HYAL4: variants seen among roughly 807,000 people sequenced by gnomAD.
The protein encoded by HYAL4 is hyaluronidase 4, also known as hyaluronidase-4.
Under a neutral mutation model 35.2 loss-of-function variants are expected in HYAL4, and 37 were observed. That is an observed-to-expected ratio of 1.05 (90% CI 0.81 to 1.38). The LOEUF (loss-of-function observed/expected upper bound fraction) is 1.38, where lower values mean the gene tolerates loss of function less well. Ranked by LOEUF, HYAL4 falls within the 40% of genes most tolerant of loss-of-function variation. HYAL4 has a pLI of 0.00. For synonymous variants in HYAL4, 198 were observed against 203.2 expected (o/e 0.97, Z 0.22); for missense variants, 572 against 572.4 (o/e 1.00, Z 0.01).
chr7:123,798,146 A>G, the HYAL4 span, among the ~76,000 whole-genome samples: 1 of 152,204 alleles, frequency 6.6e-6, no homozygotes, highest in South Asian at 2.1e-4. Context: ...CTGTAATGCA[A>G]TAGGAATTTT....
chr7:123,792,875 C>T, the HYAL4 span, among the ~76,000 whole-genome samples: 1 of 152,162 alleles, frequency 6.6e-6, no homozygotes, highest in African/African-American at 2.4e-5. Flanking sequence ...TCCCTCCTAC[C>T]ATGGTCCACT....
At chr7:123,857,381 G>T (rs1436515024) in intron 2 of HYAL4, among the ~76,000 whole-genome samples, 1 of 152,136 alleles carries the variant, frequency 6.6e-6, no homozygotes, top group Non-Finnish European at 1.5e-5. Flanking sequence ...AGCTGGGCTG[G>T]ATAGCACTGT....
the HYAL4 span, among the ~76,000 whole-genome samples, chr7:123,777,342 T>C: frequency 1.3e-5 from 2 of 152,092 alleles, no homozygotes; most frequent in African/African-American, 4.8e-5. Flanking sequence ...CATATTGAAA[T>C]AATAATGTCT....
At chr7:123,841,428 G>C (rs956366409), upstream of HYAL4, among the ~76,000 whole-genome samples, 3 of 151,942 alleles carry the variant, frequency 2.0e-5, no homozygotes, top group Non-Finnish European at 4.4e-5. Context: ...ATTTTCATCA[G>C]GGATATTGGT....
chr7:123,819,908 T>G, the HYAL4 span, among the ~76,000 whole-genome samples: 12 of 151,512 alleles, frequency 7.9e-5, no homozygotes, highest in South Asian at 1.5e-3. Context: ...TTTTTTTTTT[T>G]TGTGAGGCAG....
chr7:123,791,917 G>A, the HYAL4 span, among the ~76,000 whole-genome samples: 5 of 152,202 alleles, frequency 3.3e-5, no homozygotes, highest in Non-Finnish European at 7.3e-5. Context: ...GTCCAAGCAC[G>A]TGAAGAAATT....
chr7:123,831,500 A>C (rs1459291752), intron 1 of HYAL4, among the ~76,000 whole-genome samples: 1 of 152,198 alleles, frequency 6.6e-6, no homozygotes, highest in African/African-American at 2.4e-5. Context: ...GGTTTGGTTC[A>C]ACAACTTCTT....
upstream of HYAL4, among the ~76,000 whole-genome samples, chr7:123,827,879 T>C (rs1052170734): frequency 2.0e-5 from 3 of 152,198 alleles, no homozygotes; most frequent in Non-Finnish European, 4.4e-5. Context: ...AATTAAATGC[T>C]AATAGAAAAC....
upstream of HYAL4, among the ~76,000 whole-genome samples, chr7:123,826,966 G>T (rs762633850): frequency 3.3e-5 from 5 of 152,138 alleles, no homozygotes; most frequent in Admixed American, 2.6e-4. Flanking sequence ...AGATGGGGAA[G>T]TCTGGGAAGA....
Position 123,876,998 on chromosome 7 carries a change from CA to C in HYAL4, c.1290del (p.Asp431IlefsTer19). The stretch of plus-strand genomic sequence containing the variant: ...TCTGATACAGACCTGGCAGTGATGG[CA>C]GATACATTTTCCTGTCATTGTTATC... ...KASDTDLAVM[A>X]DTFSCHCYQG... On this transcript the variant is annotated frameshift_variant, in exon 5 of 5. Transcript: ENST00000223026. LOFTEE classifies it low-confidence loss of function (END_TRUNC). 1 of 1,614,180 alleles carries C rather than the reference CA, an allele frequency of 6.2e-7. No individual in the cohort carries two copies. Among genetic ancestry groups the C allele is most frequent in the Non-Finnish European group, 8.5e-7 (1 of 1,180,016 alleles).
At chr7:123,770,531 T>TGAGTCAGGG in the HYAL4 span, among the ~76,000 whole-genome samples, 1 of 150,760 alleles carries the variant, frequency 6.6e-6, no homozygotes, top group East Asian at 2.0e-4. Context: ...GGTAACAAGA[T>TGAGTCAGGG]GAGTCAGGGT....
chr7:123,868,238 C>G lies in HYAL4; in HGVS notation c.-36C>G. The G allele has an allele frequency of 7.7e-7, 1 of 1,290,696 alleles. No individual in the cohort carries two copies. Among genetic ancestry groups the G allele is most frequent in the Non-Finnish European group, 1.1e-6 (1 of 944,682 alleles). The allele number at this position is 1,290,696 out of a possible 1,614,324, so 80.0% of individuals were successfully genotyped here. A position where few individuals can be genotyped will look rare whatever the true frequency, so the allele number is the denominator to read the frequency against. On this transcript the variant is annotated 5_prime_UTR_variant, in exon 3 of 5. Transcript: ENST00000223026. ...CTCTCCACAGGTCTTCTAGAGTGCA[C>G]TAAAGCAGAAGATAACGTAACATTT...
At chr7:123,874,946 T>G in intron 4 of HYAL4, 96 bp downstream of exon 4, 1 of 714,312 alleles carries the variant, frequency 1.4e-6, no homozygotes, top group Non-Finnish European at 2.5e-6. Context: ...CAAACCAGCT[T>G]TAGAATAAAT....
At chr7:123,854,527 G>A (rs1806385875) in intron 2 of HYAL4, among the ~76,000 whole-genome samples, 1 of 152,142 alleles carries the variant, frequency 6.6e-6, no homozygotes, top group Non-Finnish European at 1.5e-5. Flanking sequence ...GTAGTTGTGT[G>A]GTTTTGAATG....
chr7:123,868,513 C>G lies in HYAL4; in HGVS notation c.240C>G (p.Ala80=). 1 of 1,608,224 alleles carries G rather than the reference C, an allele frequency of 6.2e-7. No individual in the cohort carries two copies. Among genetic ancestry groups the G allele is most frequent in the South Asian group, 1.1e-5 (1 of 89,170 alleles). Reference sequence around the variant, plus strand: ...TTCCTGTGATTGGAAGCCCACTGGCCAAGGCCAGGGGGCAAAATGTCACTA... The same window carrying G: ...TTCCTGTGATTGGAAGCCCACTGGCGAAGGCCAGGGGGCAAAATGTCACTA... The part of the protein sequence containing the change: ...KMFPVIGSPL[A]KARGQNVTIF... Residue 80 remains alanine, a synonymous_variant, in exon 3 of 5, where the codon GCC becomes GCG. Transcript: ENST00000223026.
At chr7:123,850,389 G>A (rs1045912102) in intron 2 of HYAL4, among the ~76,000 whole-genome samples, 1 of 152,010 alleles carries the variant, frequency 6.6e-6, no homozygotes. Context: ...CCACAGGAAC[G>A]CACCACCAGC....
rs1806318030 is a variant in HYAL4, at chr7:123,852,098, C to T, written c.-52+3940C>T. Among the ~76,000 whole-genome samples the T allele has an allele frequency of 2.0e-5, 3 of 151,932 alleles. No individual in the cohort carries two copies. In the South Asian group the frequency reaches 6.2e-4, roughly 32 times the overall value. On this transcript the variant is annotated intron_variant, in intron 2 of 4. Coordinates refer to ENST00000223026, the MANE Select transcript of HYAL4 (RefSeq NM_012269.3). Reference sequence around the variant, plus strand: ...TTTTGATGGGGTTGTTTGTTTTTATCTTATAAATTTGTTAAGTTCCTTGTA... The same window carrying T: ...TTTTGATGGGGTTGTTTGTTTTTATTTTATAAATTTGTTAAGTTCCTTGTA...
At chr7:123,862,518 A>G (rs1024128825) in intron 2 of HYAL4, among the ~76,000 whole-genome samples, 1 of 152,238 alleles carries the variant, frequency 6.6e-6, no homozygotes, top group Non-Finnish European at 1.5e-5. Flanking sequence ...AATCGTAAAG[A>G]TCAGTGTGGA....
chr7:123,813,242 G>A, the HYAL4 span, among the ~76,000 whole-genome samples: 26 of 152,080 alleles, frequency 1.7e-4, no homozygotes, highest in South Asian at 5.2e-3. Context: ...AAATCCATAC[G>A]ATAAGATAAT....
Sources: gnomAD v4.1 joint callset for allele counts (sites outside exome capture counted in the v4.1 genomes callset) on GRCh38, gnomAD v4.1.1 for gene constraint, MANE v1.5 for transcripts, NCBI Gene and HGNC (gene_info 2026-07-23, HGNC 2026-07-21) for gene names.